The following AGAP1 variants were observed in gnomAD, a reference collection of about 807,000 sequenced individuals.
The protein encoded by AGAP1 is ArfGAP with GTPase domain, ankyrin repeat and PH domain 1.
AGAP1 carries 29 observed loss-of-function variants against 105.3 expected under a neutral mutation model. That is an observed-to-expected ratio of 0.28 (90% CI 0.21 to 0.38). The LOEUF (loss-of-function observed/expected upper bound fraction) is 0.38. Among genes scored for constraint, AGAP1 ranks in the 10% least tolerant of loss-of-function variants. The pLI is 1.00. For synonymous variants in AGAP1, 509 were observed against 485.9 expected (o/e 1.05, Z -0.63); for missense variants, 998 against 1,165.1 (o/e 0.86, Z 2.09).
Position 235,664,714 on chromosome 2 carries a change from A to G in AGAP1, c.164-44465A>G, listed in dbSNP as rs146331701. Among the ~76,000 whole-genome samples the G allele has an allele frequency of 5.9e-5, 9 of 152,202 alleles. No homozygotes were observed. Among genetic ancestry groups the G allele is most frequent in the East Asian group, 5.8e-4 (3 of 5,162 alleles). On this transcript the variant is annotated intron_variant, in intron 1 of 17. Transcript: ENST00000304032. The surrounding 1 kb of genome is among the most constrained non-coding windows in gnomAD (Gnocchi z 5.7). ...CTCAGTGTGGGGTCCGATGCTTCCT[A>G]TGGCTGCATGGAGGAAAGGAGTCTG...
chr2:236,032,188 A>T (rs2057244768), intron 13 of AGAP1, among the ~76,000 whole-genome samples: 1 of 152,214 alleles, frequency 6.6e-6, no homozygotes, highest in African/African-American at 2.4e-5. Flanking sequence ...TGGTAAGCAG[A>T]CTTTATATGT....
intron 6 of AGAP1, among the ~76,000 whole-genome samples, chr2:235,770,523 G>A (rs1386201560): frequency 2.0e-5 from 3 of 152,088 alleles, no homozygotes; most frequent in African/African-American, 7.2e-5. Context: ...CGCCTCCTAG[G>A]TTCAAGTGAT....
chr2:236,049,082 T>C lies in AGAP1; in HGVS notation c.1915T>C (p.Leu639=). ...TQNPNWASLN[L]GALMCIECSG... Reference sequence around the variant, plus strand: ...AGATCCCAACTGGGCCAGTTTGAACTTGGGAGCCCTCATGTGCATCGAATG... The same window carrying C: ...AGATCCCAACTGGGCCAGTTTGAACCTGGGAGCCCTCATGTGCATCGAATG... Residue 639 remains leucine (L), a synonymous_variant, in exon 16 of 18, where the codon TTG becomes CTG. Coordinates refer to ENST00000304032, the MANE Select transcript of AGAP1 (RefSeq NM_001037131.3). The C allele has an allele frequency of 6.2e-7, 1 of 1,614,182 alleles. No homozygotes were observed. Among genetic ancestry groups the C allele is most frequent in the Non-Finnish European group, 8.5e-7 (1 of 1,179,996 alleles).
At chr2:235,685,834 T>A (rs1299406804) in intron 1 of AGAP1, among the ~76,000 whole-genome samples, 3 of 152,132 alleles carry the variant, frequency 2.0e-5, no homozygotes, top group Non-Finnish European at 4.4e-5. Context: ...TCTAACAACA[T>A]GTGCCCGAGG....
rs2058189364 is a variant in AGAP1, at chr2:236,061,343, C to A, written c.2114+12062C>A. ...TTACCGTATGACCCAGCCATTCCTC[C>A]CCCAGGTCTATACCTAAGATAAATG... On this transcript the variant is annotated intron_variant, in intron 16 of 17. Coordinates refer to ENST00000304032, the MANE Select transcript of AGAP1 (RefSeq NM_001037131.3). The surrounding 1 kb of genome is among the most constrained non-coding windows in gnomAD (Gnocchi z 4.1). Among the ~76,000 whole-genome samples, 1 of 152,134 alleles carries A rather than the reference C, an allele frequency of 6.6e-6. No individual in the cohort carries two copies. The highest frequency in any genetic ancestry group is 2.4e-5 in the African/African-American group (1 of 41,416).
intron 1 of AGAP1, among the ~76,000 whole-genome samples, chr2:235,673,142 G>A (rs1948527365): frequency 6.6e-6 from 1 of 152,212 alleles, no homozygotes; most frequent in Admixed American, 6.5e-5. Flanking sequence ...TGTCTGACAT[G>A]TCAATATTCT....
At chr2:236,075,082 T>C (rs916844426) in intron 16 of AGAP1, among the ~76,000 whole-genome samples, 4 of 151,976 alleles carry the variant, frequency 2.6e-5, no homozygotes, top group Non-Finnish European at 4.4e-5. Flanking sequence ...ACAAAAGATC[T>C]ATAAGTGATT....
chr2:235,502,938 T>A (rs200354289), intron 1 of AGAP1, among the ~76,000 whole-genome samples: 2 of 151,366 alleles, frequency 1.3e-5, no homozygotes, highest in Non-Finnish European at 3.0e-5. Context: ...AGAAAGTACA[T>A]TTAGCTTCAA....
At chr2:235,825,365 A>G (rs180958439) in intron 9 of AGAP1, among the ~76,000 whole-genome samples, 207 of 152,312 alleles carry the variant, frequency 1.4e-3, no homozygotes, top group Non-Finnish European at 1.2e-3. Flanking sequence ...TTTGAGGAAA[A>G]CATTTTTAAT....
chr2:235,671,900 A>T (rs753057230), intron 1 of AGAP1, among the ~76,000 whole-genome samples: 4 of 152,164 alleles, frequency 2.6e-5, no homozygotes, highest in African/African-American at 9.7e-5. Flanking sequence ...CAGAAACCTC[A>T]AAACACAGAC....
intron 13 of AGAP1, among the ~76,000 whole-genome samples, chr2:236,007,110 A>C (rs778617452): frequency 2.6e-5 from 4 of 152,198 alleles, no homozygotes; most frequent in Non-Finnish European, 5.9e-5. Flanking sequence ...TAGCAAGAAG[A>C]GCCCAAAGTT....
rs1181071983 is a variant in AGAP1 at position 235,765,407 on chromosome 2, G to A, written c.673+14919G>A. Among the ~76,000 whole-genome samples the A allele has an allele frequency of 2.6e-5, 4 of 152,042 alleles. No individual in the cohort carries two copies. In the South Asian group the frequency reaches 6.2e-4, roughly 24 times the overall value. On this transcript the variant is annotated intron_variant, in intron 6 of 17. Transcript: ENST00000304032. Reference sequence around the variant, plus strand: ...AGTCTCACGCTGCCCCCACAGGCCCGGCCCCTCCAGTGGGAACATGTGCCT... The same window carrying A: ...AGTCTCACGCTGCCCCCACAGGCCCAGCCCCTCCAGTGGGAACATGTGCCT...
chr2:235,986,654 C>G (rs1370163488), intron 13 of AGAP1, among the ~76,000 whole-genome samples: 1 of 152,088 alleles, frequency 6.6e-6, no homozygotes, highest in Admixed American at 6.5e-5. Context: ...CCATGAATAC[C>G]TAGTTTATTG....
In AGAP1 at chr2:236,124,036, C is replaced by G; in HGVS notation, c.2488C>G (p.Arg830Gly). 6.2e-7 allele frequency: 1 copy of G among 1,614,082 alleles called. No individual in the cohort carries two copies. Among genetic ancestry groups the G allele is most frequent in the Non-Finnish European group, 8.5e-7 (1 of 1,179,988 alleles). The change falls in exon 18 of 18, where the codon CGC becomes GGC. Residue 830 changes from arginine (R) to glycine (G), a missense_variant. Arg to Gly is a moderately radical substitution (Grantham distance 125). Transcript: ENST00000304032. The surrounding 1 kb of genome is among the most constrained non-coding windows in gnomAD (Gnocchi z 5.1). ...VLLQYGCPDE[R>G]FVLMATPNLS... Reference sequence around the variant, plus strand: ...GCTGCAGTACGGCTGCCCCGACGAGCGCTTCGTGCTCATGGCCACCCCTAA... The same window carrying G: ...GCTGCAGTACGGCTGCCCCGACGAGGGCTTCGTGCTCATGGCCACCCCTAA...
chr2:235,923,997 T>C (rs1381686324), intron 11 of AGAP1, among the ~76,000 whole-genome samples: 1 of 152,142 alleles, frequency 6.6e-6, no homozygotes, highest in Non-Finnish European at 1.5e-5. Flanking sequence ...CCCCCGTGTT[T>C]AATAAGAGCA....
At chr2:236,016,411 G>T (rs2056705381) in intron 13 of AGAP1, among the ~76,000 whole-genome samples, 1 of 136,586 alleles carries the variant, frequency 7.3e-6, no homozygotes. Context: ...GTATGCATGT[G>T]GGTTTGTCGC....
chr2:235,910,558 G>A (rs77897075), intron 11 of AGAP1, among the ~76,000 whole-genome samples: 2,093 of 152,274 alleles, frequency 0.014, 52 homozygotes, highest in African/African-American at 0.048. Context: ...AAAACAATCC[G>A]TAGTGAGTAA....
chr2:235,774,924 C>T (rs182140685), intron 6 of AGAP1, among the ~76,000 whole-genome samples: 1 of 152,312 alleles, frequency 6.6e-6, no homozygotes, highest in Admixed American at 6.5e-5. Context: ...GAAGCCACCA[C>T]CCCTCTCTGG....
chr2:235,939,713 A>C (rs1300759419), intron 12 of AGAP1, among the ~76,000 whole-genome samples: 1 of 151,812 alleles, frequency 6.6e-6, no homozygotes, highest in African/African-American at 2.4e-5. Flanking sequence ...ATAGTGGGAG[A>C]CCTGCTGACT....
Sources: gnomAD v4.1 joint callset for allele counts (sites outside exome capture counted in the v4.1 genomes callset) on GRCh38, gnomAD v4.1.1 for gene constraint, Gnocchi (gnomAD v3.1) non-coding constraint, MANE v1.5 for transcripts, NCBI Gene and HGNC (gene_info 2026-07-23, HGNC 2026-07-21) for gene names.